ATG7: variants seen among roughly 807,000 people sequenced by gnomAD.
ATG7 encodes ubiquitin-like modifier-activating enzyme ATG7.
Under a neutral mutation model 82.4 loss-of-function variants are expected in ATG7, and 70 were observed. The ratio of observed to expected loss-of-function variants is 0.85; its 90% CI spans 0.70 to 1.04. ATG7 has a LOEUF of 1.04. ATG7 is among the 50% of genes least tolerant of loss of function. ATG7 has a pLI of 0.00. For synonymous variants in ATG7, 287 were observed against 313.0 expected (o/e 0.92, Z 0.88); for missense variants, 792 against 864.3 (o/e 0.92, Z 1.05).
At chr3:11,547,766 TAATTATGTTTGAGTATC>T (rs1355302650) in intron 20 of ATG7, among the ~76,000 whole-genome samples, 1 of 152,274 alleles carries the variant, frequency 6.6e-6, no homozygotes, top group Non-Finnish European at 1.5e-5. Context: ...TCCTGATGAC[TAATTATGTTTGAGTATC>T]ATTTCATGTG....
chr3:11,296,213 G>C (rs182954186), intron 3 of ATG7, among the ~76,000 whole-genome samples: 3 of 152,220 alleles, frequency 2.0e-5, no homozygotes, highest in African/African-American at 7.2e-5. Flanking sequence ...TCCATGTCCA[G>C]TTTTCTTGGC....
Position 11,349,430 on chromosome 3 carries a change from T to TA in ATG7, c.1284+1396dup, listed in dbSNP as rs147257584. Among the ~76,000 whole-genome samples the TA allele has an allele frequency of 3.3e-5, 5 of 152,220 alleles. No individual in the cohort carries two copies. The East Asian group carries it at 7.7e-4, about 23-fold the overall frequency. The stretch of plus-strand genomic sequence containing the variant: ...TGTGCATCTGTAGTCCCAGCTACAC[T>TA]AGTGGCTGAAACAAAAGGATTGCTT... On this transcript the variant is annotated intron_variant, in intron 14 of 20. Transcript: ENST00000693202.
chr3:11,544,893 C>G (rs1038613250), intron 20 of ATG7, among the ~76,000 whole-genome samples: 1 of 152,212 alleles, frequency 6.6e-6, no homozygotes. Flanking sequence ...CCTACCCTCA[C>G]GCAGCACGCA....
chr3:11,398,400 G>A (rs2079512178), intron 19 of ATG7, among the ~76,000 whole-genome samples: 2 of 152,146 alleles, frequency 1.3e-5, no homozygotes, highest in African/African-American at 4.8e-5. Flanking sequence ...AATTATGCAA[G>A]AAATCAGTAA....
intron 20 of ATG7, among the ~76,000 whole-genome samples, chr3:11,430,986 A>G (rs2082822282): frequency 6.6e-6 from 1 of 152,238 alleles, no homozygotes; most frequent in Admixed American, 6.5e-5. Flanking sequence ...TCCGAGGCCA[A>G]GTCTTTAGTA....
intron 19 of ATG7, among the ~76,000 whole-genome samples, chr3:11,409,363 C>T (rs569426578): frequency 5.9e-5 from 9 of 152,340 alleles, no homozygotes; most frequent in Middle Eastern, 3.4e-3. Flanking sequence ...CTCAACCACA[C>T]GATCGTGAGG....
At chr3:11,524,229 T>C (rs1193061035) in intron 20 of ATG7, among the ~76,000 whole-genome samples, 1 of 152,220 alleles carries the variant, frequency 6.6e-6, no homozygotes, top group African/African-American at 2.4e-5. Flanking sequence ...TTAGTTAAGC[T>C]GAAGTTGAAA....
chr3:11,289,117 C>T (rs551347709), intron 3 of ATG7, among the ~76,000 whole-genome samples: 1 of 152,310 alleles, frequency 6.6e-6, no homozygotes, highest in Admixed American at 6.5e-5. Flanking sequence ...TTGACTGTGT[C>T]TGAATATAAT....
the ATG7 span, among the ~76,000 whole-genome samples, chr3:11,572,498 G>C: frequency 6.6e-6 from 1 of 152,300 alleles, no homozygotes; most frequent in East Asian, 1.9e-4. Context: ...AGAACATGCA[G>C]ACGCATGAGG....
At chr3:11,458,408 C>T (rs552495228) in intron 20 of ATG7, among the ~76,000 whole-genome samples, 9 of 152,174 alleles carry the variant, frequency 5.9e-5, no homozygotes, top group South Asian at 4.2e-4. Flanking sequence ...GGACTACAGG[C>T]GCCCACCACC....
chr3:11,346,592 T>C (rs985423654), intron 13 of ATG7: 1 of 152,226 alleles, frequency 6.6e-6, no homozygotes, highest in African/African-American at 2.4e-5. Flanking sequence ...TACACCTGCA[T>C]GTGACTAACC....
At chr3:11,344,947 TTCTA>T (rs1954270635) in intron 13 of ATG7, among the ~76,000 whole-genome samples, 2 of 152,220 alleles carry the variant, frequency 1.3e-5, no homozygotes, top group Admixed American at 6.5e-5. Flanking sequence ...TTATTCCTTG[TTCTA>T]TCTTTGTATA....
intron 20 of ATG7, among the ~76,000 whole-genome samples, chr3:11,497,357 C>CCATATATA (rs2090912250): frequency 1.7e-5 from 1 of 57,294 alleles, no homozygotes; most frequent in Non-Finnish European, 3.1e-5. Context: ...ACTAAAAATA[C>CCATATATA]TATATATATA....
chr3:11,554,747 C>T, intron 20 of ATG7, 64 bp from the exon 21 acceptor site: 1 of 1,592,090 alleles, frequency 6.3e-7, no homozygotes, highest in South Asian at 1.1e-5. Flanking sequence ...GGTTTTGAAG[C>T]ATCTGTGTGC....
chr3:11,427,370 C>T (rs973088335), intron 20 of ATG7, among the ~76,000 whole-genome samples: 1 of 152,146 alleles, frequency 6.6e-6, no homozygotes, highest in Non-Finnish European at 1.5e-5. Flanking sequence ...ACGATTTGAT[C>T]AGTCTTCTTA....
At chr3:11,360,963 T>C (rs2076243809) in intron 16 of ATG7, among the ~76,000 whole-genome samples, 179 bp downstream of exon 16, 1 of 152,236 alleles carries the variant, frequency 6.6e-6, no homozygotes, top group Non-Finnish European at 1.5e-5. Context: ...CGTCATCAAC[T>C]GTACACCTGT....
At chr3:11,465,377 A>G (rs1195148952) in intron 20 of ATG7, among the ~76,000 whole-genome samples, 1 of 151,616 alleles carries the variant, frequency 6.6e-6, no homozygotes, top group East Asian at 1.9e-4. Context: ...TCCAGGAGGC[A>G]AAGCTTGCAG....
At chr3:11,324,741 A>G (rs1020275911) in intron 9 of ATG7, among the ~76,000 whole-genome samples, 2 of 152,212 alleles carry the variant, frequency 1.3e-5, no homozygotes, top group Non-Finnish European at 2.9e-5. Flanking sequence ...AGCATCTAAC[A>G]TAATATTCTA....
intron 20 of ATG7, among the ~76,000 whole-genome samples, chr3:11,441,763 T>G: frequency 6.7e-6 from 1 of 148,856 alleles, no homozygotes; most frequent in Non-Finnish European, 1.5e-5. Flanking sequence ...GCCTCCCGGG[T>G]TCAAGCAATT....
Sources: gnomAD v4.1 joint callset for allele counts (sites outside exome capture counted in the v4.1 genomes callset) on GRCh38, gnomAD v4.1.1 for gene constraint, MANE v1.5 for transcripts, NCBI Gene and HGNC (gene_info 2026-07-23, HGNC 2026-07-21) for gene names.